HS3ST3A1: variants seen among roughly 807,000 people sequenced by gnomAD.
HS3ST3A1 encodes heparan sulfate glucosamine 3-O-sulfotransferase 3A1.
In HS3ST3A1, 19 loss-of-function variants were observed where a neutral mutation model predicts 25.7. That is an observed-to-expected ratio of 0.74 (90% CI 0.52 to 1.08). HS3ST3A1 has a LOEUF of 1.08. HS3ST3A1 is among the 50% of genes least tolerant of loss of function. The pLI, the probability that HS3ST3A1 is intolerant of heterozygous loss-of-function variation, is 0.00. For synonymous variants in HS3ST3A1, 226 were observed against 278.6 expected (o/e 0.81, Z 1.88); for missense variants, 459 against 594.3 (o/e 0.77, Z 2.37).
chr17:13,521,798 G>T (rs1906253364), intron 1 of HS3ST3A1, among the ~76,000 whole-genome samples: 1 of 152,164 alleles, frequency 6.6e-6, no homozygotes, highest in African/African-American at 2.4e-5. Flanking sequence ...AGGGAAGTGT[G>T]TTTACATCTG....
chr17:13,547,245 C>T (rs1907116305), intron 1 of HS3ST3A1, among the ~76,000 whole-genome samples: 1 of 152,078 alleles, frequency 6.6e-6, no homozygotes, highest in Non-Finnish European at 1.5e-5. Flanking sequence ...GTCCCCAGTT[C>T]CTGACACAGC....
In HS3ST3A1 at chr17:13,495,043, G is replaced by A. The variant is rs1041342582; in HGVS notation, c.*1154C>T. Among the ~76,000 whole-genome samples, 2 of 152,254 alleles carry A rather than the reference G, an allele frequency of 1.3e-5. No homozygotes were observed. The highest frequency in any genetic ancestry group is 2.4e-5 in the African/African-American group (1 of 41,540). ...CAGAGTACTAGCTCCAAAGTTAGAA[G>A]TGAGATATTACAAAGAAAGGTAGGT... On this transcript the variant is annotated 3_prime_UTR_variant, in exon 2 of 2. Coordinates refer to ENST00000284110, the MANE Select transcript of HS3ST3A1 (RefSeq NM_006042.3).
chr17:13,559,881 CA>C (rs1742412522), intron 1 of HS3ST3A1, among the ~76,000 whole-genome samples: 1 of 151,802 alleles, frequency 6.6e-6, no homozygotes, highest in Non-Finnish European at 1.5e-5. Context: ...ATTTTTCAAG[CA>C]GCAAGTTTGG....
chr17:13,555,087 G>A (rs543965500), intron 1 of HS3ST3A1, among the ~76,000 whole-genome samples: 6 of 152,086 alleles, frequency 3.9e-5, no homozygotes, highest in Non-Finnish European at 5.9e-5. Context: ...CTACCTCGTC[G>A]GTGTTCTCAC....
rs138718194 is a variant in HS3ST3A1 at position 13,528,071 on chromosome 17, G to A, written c.600-31253C>T. Among the ~76,000 whole-genome samples the A allele has an allele frequency of 6.2e-3, 936 of 152,188 alleles. 10 individuals are homozygous for A. Among genetic ancestry groups the A allele is most frequent in the East Asian group, 0.032 (164 of 5,176 alleles). ...GATCCGTGTCATCGGAAAGAAGGAG[G>A]GGATCTACTGGATTCTGATTTGGGA... On this transcript the variant is annotated intron_variant, in intron 1 of 1. Transcript: ENST00000284110.
rs112891120 is a variant in HS3ST3A1 at position 13,527,403 on chromosome 17, T to C, written c.600-30585A>G. Among the ~76,000 whole-genome samples, 1,338 of 152,304 alleles carry C rather than the reference T, an allele frequency of 8.8e-3. 17 individuals are homozygous for C. Among genetic ancestry groups the C allele is most frequent in the African/African-American group, 0.031 (1,277 of 41,572 alleles). ...TTCCCCTAATTGCTCTGTTTAATTATTGATGTGGAAAGTGTTTCCTTTTGG... is the reference window on the plus strand; with the variant it reads ...TTCCCCTAATTGCTCTGTTTAATTACTGATGTGGAAAGTGTTTCCTTTTGG... On this transcript the variant is annotated intron_variant, in intron 1 of 1. Coordinates refer to ENST00000284110, the MANE Select transcript of HS3ST3A1 (RefSeq NM_006042.3).
chr17:13,546,483 G>C (rs891929948), intron 1 of HS3ST3A1, among the ~76,000 whole-genome samples: 10 of 152,032 alleles, frequency 6.6e-5, no homozygotes, highest in Non-Finnish European at 1.3e-4. Context: ...GGCCAAGATG[G>C]TCTTGATCTC....
At chr17:13,550,772 T>C (rs117403751) in intron 1 of HS3ST3A1, among the ~76,000 whole-genome samples, 1 of 151,964 alleles carries the variant, frequency 6.6e-6, no homozygotes, top group East Asian at 1.9e-4. Context: ...CGATATTTTT[T>C]AAAAATTCAA....
intron 1 of HS3ST3A1, among the ~76,000 whole-genome samples, chr17:13,581,458 C>T: frequency 8.7e-6 from 1 of 115,350 alleles, no homozygotes; most frequent in East Asian, 2.8e-4. Context: ...TGAAGTGAGA[C>T]TCTATCTCAA....
At position 13,549,804 on chromosome 17, in the gene HS3ST3A1, G is replaced by A. The variant is rs569697992; in HGVS notation, c.599+50727C>T. Reference sequence around the variant, plus strand: ...TAAGAAAATTATTGGGAAAAGTCACGAAACTAGTTTATTTTAGTTCGCCAT... The same window carrying A: ...TAAGAAAATTATTGGGAAAAGTCACAAAACTAGTTTATTTTAGTTCGCCAT... On this transcript the variant is annotated intron_variant, in intron 1 of 1. Transcript: ENST00000284110. 2.5e-4 allele frequency among the ~76,000 whole-genome samples: 38 copies of A among 152,252 alleles called. 1 individual carries two copies. Among genetic ancestry groups the A allele is most frequent in the East Asian group, 2.1e-3 (11 of 5,176 alleles).
chr17:13,546,993 T>C (rs9941372), intron 1 of HS3ST3A1, among the ~76,000 whole-genome samples: 9,549 of 152,232 alleles, frequency 0.063, 498 homozygotes, highest in African/African-American at 0.14. Context: ...TATTTAACCA[T>C]GGAATTTCAT....
intron 1 of HS3ST3A1, among the ~76,000 whole-genome samples, chr17:13,536,506 C>T (rs1906775054): frequency 6.6e-6 from 1 of 152,174 alleles, no homozygotes; most frequent in Admixed American, 6.5e-5. Flanking sequence ...CACATGGTTC[C>T]AAAAACAGGA....
chr17:13,567,203 C>A (rs1291220051), intron 1 of HS3ST3A1, among the ~76,000 whole-genome samples: 1 of 152,122 alleles, frequency 6.6e-6, no homozygotes, highest in East Asian at 1.9e-4. Context: ...ACAAATGGAA[C>A]AACAAAGCCT....
At chr17:13,576,459 C>T (rs970393481) in intron 1 of HS3ST3A1, among the ~76,000 whole-genome samples, 10 of 152,222 alleles carry the variant, frequency 6.6e-5, no homozygotes, top group Admixed American at 3.3e-4. Flanking sequence ...AGACAGAGAA[C>T]GCACTCAAGA....
intron 1 of HS3ST3A1, among the ~76,000 whole-genome samples, chr17:13,524,448 G>C (rs915653817): frequency 2.0e-5 from 3 of 152,068 alleles, no homozygotes; most frequent in African/African-American, 7.2e-5. Flanking sequence ...TGTAGATATG[G>C]GGTATCACCA....
chr17:13,497,337 A>G (rs890780140), intron 1 of HS3ST3A1, among the ~76,000 whole-genome samples: 7 of 152,242 alleles, frequency 4.6e-5, no homozygotes, highest in Non-Finnish European at 8.8e-5. Flanking sequence ...TCCTGCAACA[A>G]ACAAGACTTA....
At chr17:13,574,741 T>TAC (rs774926362) in intron 1 of HS3ST3A1, among the ~76,000 whole-genome samples, 2,793 of 81,588 alleles carry the variant, frequency 0.034, 79 homozygotes, top group African/African-American at 0.14. Context: ...ACAAAACAAA[T>TAC]ACACACACAC....
chr17:13,499,915 T>A (rs1905411497), intron 1 of HS3ST3A1, among the ~76,000 whole-genome samples: 1 of 152,174 alleles, frequency 6.6e-6, no homozygotes, highest in Non-Finnish European at 1.5e-5. Flanking sequence ...AGCTTCTTTC[T>A]GCAAAAATAA....
chr17:13,532,035 A>C (rs985823056), intron 1 of HS3ST3A1, among the ~76,000 whole-genome samples: 60 of 152,330 alleles, frequency 3.9e-4, no homozygotes, highest in Middle Eastern at 3.4e-3. Context: ...ATGAATGATC[A>C]GAGGCCAGGC....
Sources: allele counts gnomAD v4.1 joint callset (sites outside exome capture counted in the v4.1 genomes callset), GRCh38; gene constraint gnomAD v4.1.1; transcripts MANE v1.5; gene names NCBI Gene and HGNC (gene_info 2026-07-23, HGNC 2026-07-21).